Variants in STXBP4 observed in about 807,000 individuals in gnomAD.
The protein encoded by STXBP4 is syntaxin binding protein 4, also known as syntaxin-binding protein 4.
Under a neutral mutation model 76.1 loss-of-function variants are expected in STXBP4, and 55 were observed. That is an observed-to-expected ratio of 0.72 (90% CI 0.58 to 0.91). STXBP4 has a LOEUF of 0.91. Ranked by LOEUF, STXBP4 falls within the 40% of genes least tolerant of loss-of-function variation. The pLI is 0.00. For missense variants in STXBP4, 618 were observed against 636.9 expected (o/e 0.97, Z 0.32); for synonymous variants, 201 against 220.2 (o/e 0.91, Z 0.77).
intron 1 of STXBP4, among the ~76,000 whole-genome samples, chr17:54,979,473 G>C (rs1298567315): frequency 6.6e-6 from 1 of 152,096 alleles, no homozygotes; most frequent in Non-Finnish European, 1.5e-5. Context: ...AAAGCTAACA[G>C]TGCTCTCTGC....
At chr17:54,988,906 T>C (rs2077668054) in intron 3 of STXBP4, among the ~76,000 whole-genome samples, 1 of 152,198 alleles carries the variant, frequency 6.6e-6, no homozygotes, top group Non-Finnish European at 1.5e-5. Flanking sequence ...GAATTCAGTA[T>C]ACCTGTGATA....
intron 5 of STXBP4, 29 bp downstream of exon 5, chr17:54,999,480 A>G (rs1279831250): frequency 6.4e-7 from 1 of 1,556,968 alleles, no homozygotes; most frequent in Non-Finnish European, 8.8e-7. Flanking sequence ...AGATAGAATG[A>G]GTCATTTAGA....
rs2080367301 is a variant in STXBP4 at position 55,164,676 on chromosome 17, T to A, written c.*4765T>A. 1 of 151,482 alleles carries A rather than the reference T, an allele frequency of 6.6e-6. No homozygotes were observed. Among genetic ancestry groups the A allele is most frequent in the Admixed American group, 6.6e-5 (1 of 15,218 alleles). The allele number at this position is 151,482 out of a possible 1,614,324, so 9.4% of individuals were successfully genotyped here. A position where few individuals can be genotyped will look rare whatever the true frequency, so the allele number is the denominator to read the frequency against. On this transcript the variant is annotated 3_prime_UTR_variant, in exon 18 of 18. Transcript: ENST00000376352. ...ACCTTGTTAGCCAGGATGGTCTCGA[T>A]CTCCTGACCTCATGATCCACCCGCC...
intron 17 of STXBP4, among the ~76,000 whole-genome samples, chr17:55,153,270 G>A (rs1304056154): frequency 4.6e-5 from 7 of 152,180 alleles, no homozygotes; most frequent in Non-Finnish European, 8.8e-5. Flanking sequence ...AAACTGTAGA[G>A]GTTGATGGCA....
At chr17:55,154,926 T>C (rs1324127502) in intron 17 of STXBP4, among the ~76,000 whole-genome samples, 3 of 152,042 alleles carry the variant, frequency 2.0e-5, no homozygotes, top group African/African-American at 7.2e-5. Context: ...TTACCATAAA[T>C]ATATAATAAA....
chr17:55,078,208 T>C lies in STXBP4; in HGVS notation c.1305+14T>C, dbSNP rs1648700884. On this transcript the variant is annotated intron_variant, in intron 14 of 17. Transcript: ENST00000376352. The stretch of plus-strand genomic sequence containing the variant: ...CATTTTGTAGAGGTAAGTTTTTCTG[T>C]TCTATTACATTCATCTTTAAAAAAT... 6.6e-7 allele frequency: 1 copy of C among 1,510,836 alleles called. No individual in the cohort carries two copies. The highest frequency in any genetic ancestry group is 1.2e-5 in the South Asian group (1 of 86,044). 93.6% of individuals were successfully genotyped at this position (1,510,836 alleles called of 1,614,324 possible).
chr17:54,998,422 G>A (rs2077850454), intron 4 of STXBP4, among the ~76,000 whole-genome samples: 1 of 152,132 alleles, frequency 6.6e-6, no homozygotes, highest in Non-Finnish European at 1.5e-5. Context: ...TTTCTAGTTT[G>A]AATGAAAAGA....
chr17:55,003,335 GTAAGT>G (rs2077950117), intron 7 of STXBP4, among the ~76,000 whole-genome samples: 1 of 152,154 alleles, frequency 6.6e-6, no homozygotes, highest in Non-Finnish European at 1.5e-5. Context: ...ATATATTTAA[GTAAGT>G]TATAGGTAAA....
chr17:55,174,267 CT>C (rs1170895849), downstream of STXBP4, among the ~76,000 whole-genome samples: 1 of 152,202 alleles, frequency 6.6e-6, no homozygotes, highest in African/African-American at 2.4e-5. Flanking sequence ...AACTTCCAAG[CT>C]GTTTTCTAGA....
At chr17:55,202,598 T>A in the STXBP4 span, among the ~76,000 whole-genome samples, 1 of 152,048 alleles carries the variant, frequency 6.6e-6, no homozygotes, top group Non-Finnish European at 1.5e-5. Context: ...GGCCAGGAAT[T>A]CGGACTGCCA....
the STXBP4 span, among the ~76,000 whole-genome samples, chr17:55,185,251 C>CTTCTTCTTCTTCTTCTTCTTCTTCTCCTT: frequency 3.4e-4 from 17 of 49,330 alleles, no homozygotes; most frequent in African/African-American, 1.3e-3. Flanking sequence ...TTCTTCTTCT[C>CTTCTTCTTCTTCTTCTTCTTCTTCTCCTT]CTTCTCCTTC....
Position 54,986,257 on chromosome 17 carries a change from T to A in STXBP4, c.38T>A (p.Leu13Gln). 1 of 1,593,406 alleles carries A rather than the reference T, an allele frequency of 6.3e-7. No individual in the cohort carries two copies. Among genetic ancestry groups the A allele is most frequent in the South Asian group, 1.1e-5 (1 of 87,074 alleles). Residue 13 changes from leucine (L) to glutamine (Q), a missense_variant, in exon 3 of 18, where the codon CTA becomes CAA. Transcript: ENST00000376352. ...ACATCTACTGTAGTATCACCCAGTC[T>A]ACTTGAAAAGTAATTTTTAAGTTTA... ...KNTSTVVSPS[L>Q]LEKDPAFQMI...
chr17:55,034,244 T>A lies in STXBP4; in HGVS notation c.840T>A (p.Asn280Lys). 1.2e-6 allele frequency: 2 copies of A among 1,611,374 alleles called. No individual in the cohort carries two copies. Among genetic ancestry groups the A allele is most frequent in the South Asian group, 1.1e-5 (1 of 90,642 alleles). ...EVNVGAHEIS[N>K]ILDSQLLPCD... ...ATGTTGGTGCACATGAAATTTCCAATATATTAGATTCACAGGTAGAGTATG... is the reference window on the plus strand; with the variant it reads ...ATGTTGGTGCACATGAAATTTCCAAAATATTAGATTCACAGGTAGAGTATG... The change falls in exon 10 of 18, where the codon AAT becomes AAA. Residue 280 changes from asparagine (N) to lysine (K), a missense_variant. By Grantham distance (94) the Asn-to-Lys change is moderately conservative. Coordinates refer to ENST00000376352, the MANE Select transcript of STXBP4 (RefSeq NM_178509.6).
the STXBP4 span, among the ~76,000 whole-genome samples, chr17:55,210,887 T>G: frequency 6.6e-6 from 1 of 152,182 alleles, no homozygotes; most frequent in African/African-American, 2.4e-5. Flanking sequence ...TATCCCACCA[T>G]AGTCAGGCAT....
chr17:55,183,827 A>G, the STXBP4 span, among the ~76,000 whole-genome samples: 1 of 152,370 alleles, frequency 6.6e-6, no homozygotes, highest in East Asian at 1.9e-4. Flanking sequence ...TTAATTTGCC[A>G]GGTAGCTGTG....
At chr17:54,994,153 A>T (rs936324269) in intron 4 of STXBP4, among the ~76,000 whole-genome samples, 2 of 152,222 alleles carry the variant, frequency 1.3e-5, no homozygotes, top group African/African-American at 4.8e-5. Flanking sequence ...GAACTACTGT[A>T]TTAATTGCTA....
intron 16 of STXBP4, among the ~76,000 whole-genome samples, chr17:55,101,129 A>G (rs889157619): frequency 6.6e-6 from 1 of 152,208 alleles, no homozygotes; most frequent in Admixed American, 6.5e-5. Flanking sequence ...TTGTTACACC[A>G]CAATATAAAT....
intron 12 of STXBP4, among the ~76,000 whole-genome samples, chr17:55,067,323 AAG>A (rs1388909684): frequency 2.0e-5 from 3 of 152,222 alleles, no homozygotes; most frequent in African/African-American, 7.2e-5. Context: ...AAAGGAGAGA[AAG>A]ATCATTTATA....
chr17:54,999,543 A>T, intron 5 of STXBP4, 89 bp from the exon 6 acceptor site: 1 of 1,448,080 alleles, frequency 6.9e-7, no homozygotes, highest in South Asian at 1.3e-5. Flanking sequence ...TATAATAAGT[A>T]TTTTTTAATA....
Sources: allele counts gnomAD v4.1 joint callset (sites outside exome capture counted in the v4.1 genomes callset), GRCh38; gene constraint gnomAD v4.1.1; transcripts MANE v1.5; gene names NCBI Gene and HGNC (gene_info 2026-07-23, HGNC 2026-07-21).